ZNF814: variants seen among roughly 807,000 people sequenced by gnomAD.
ZNF814 encodes zinc finger protein 814.
In ZNF814, 5 loss-of-function variants were observed where a neutral mutation model predicts 7.5. That is an observed-to-expected ratio of 0.67 (90% CI 0.35 to 1.40). ZNF814 has a LOEUF of 1.40. Among genes scored for constraint, ZNF814 ranks in the 40% most tolerant of loss-of-function variants. The pLI is 0.04. For missense variants in ZNF814, 962 were observed against 1,018.0 expected (o/e 0.94, Z 0.75); for synonymous variants, 315 against 340.7 (o/e 0.92, Z 0.83).
chr19:57,891,712 G>A (rs757646393), upstream of ZNF814, among the ~76,000 whole-genome samples: 12 of 151,962 alleles, frequency 7.9e-5, no homozygotes, highest in African/African-American at 1.2e-4. Context: ...AAAATTAGCC[G>A]GGCGGCTCTG....
chr19:57,871,052 A>T lies in ZNF814; in HGVS notation c.*1770T>A, dbSNP rs977803057. On this transcript the variant is annotated 3_prime_UTR_variant, in exon 3 of 3. Transcript: ENST00000435989. ...TTATTCTGTCTCCTCCACTGCCTAT[A>T]AATAAAGTAATTCTATAAAATTATA... is the stretch of plus-strand genomic sequence containing the variant. The T allele has an allele frequency of 6.6e-6, 1 of 152,212 alleles. No homozygotes were observed. The highest frequency in any genetic ancestry group is 1.5e-5 in the Non-Finnish European group (1 of 68,038). 9.4% of individuals were successfully genotyped at this position (152,212 alleles called of 1,614,324 possible). A position where few individuals can be genotyped will look rare whatever the true frequency, so the allele number is the denominator to read the frequency against.
In ZNF814 at chr19:57,874,911, C is replaced by T. The variant is rs1206051199; in HGVS notation, c.479G>A (p.Arg160Lys). ...CTCCCCTGACACATGCAACTTACAC[C>T]TCTTTGCAAACAACGCCTCCTCAAC... is the stretch of plus-strand genomic sequence containing the variant. ...GSVEEALFAK[R>K]CKLHVSGESS... The change falls in exon 3 of 3, where the codon AGG becomes AAG. Residue 160 changes from arginine (R) to lysine (K), a missense_variant. Physicochemically the swap from Arg to Lys is conservative, Grantham distance 26. Transcript: ENST00000435989. 1.9e-6 allele frequency: 3 copies of T among 1,613,590 alleles called. No homozygotes were observed. Among genetic ancestry groups the T allele is most frequent in the Non-Finnish European group, 1.7e-6 (2 of 1,179,478 alleles).
chr19:57,882,835 G>GT lies in ZNF814; in HGVS notation c.37-5794dup, dbSNP rs1335341316. On this transcript the variant is annotated intron_variant, in intron 1 of 2. Coordinates refer to ENST00000435989, the MANE Select transcript of ZNF814 (RefSeq NM_001144989.2). The stretch of plus-strand genomic sequence containing the variant: ...TGAAGACCACAATAAACACCTAACT[G>GT]TTTAATGCCCAGACACTGATGAACA... Among the ~76,000 whole-genome samples the GT allele has an allele frequency of 5.3e-5, 8 of 151,286 alleles. 1 individual carries two copies. Among genetic ancestry groups the GT allele is most frequent in the Non-Finnish European group, 1.0e-4 (7 of 68,038 alleles).
chr19:57,874,699 G>C lies in ZNF814; in HGVS notation c.691C>G (p.Gln231Glu). The C allele has an allele frequency of 6.3e-7, 1 of 1,577,520 alleles. No individual in the cohort carries two copies. The highest frequency in any genetic ancestry group is 8.6e-7 in the Non-Finnish European group (1 of 1,160,400). The change falls in exon 3 of 3, where the codon CAG becomes GAG. Residue 231 changes from glutamine (Q) to glutamate (E), a missense_variant. Coordinates refer to ENST00000435989, the MANE Select transcript of ZNF814 (RefSeq NM_001144989.2). The part of the protein sequence containing the change: ...KHFSTKHILS[Q>E]HQRLLTREEC... ...TCTCTAGTGAGCAGTCTCTGGTGCT[G>C]ACTGAGTATATGTTTGGTGCTAAAA...
chr19:57,879,079 C>G (rs2071632580), intron 1 of ZNF814, among the ~76,000 whole-genome samples: 1 of 151,558 alleles, frequency 6.6e-6, no homozygotes, highest in Non-Finnish European at 1.5e-5. Flanking sequence ...TGGCCTTACA[C>G]TACATCGTAG....
chr19:57,884,460 A>G (rs1011660089), intron 1 of ZNF814, among the ~76,000 whole-genome samples: 3 of 152,120 alleles, frequency 2.0e-5, no homozygotes, highest in African/African-American at 7.2e-5. Flanking sequence ...AAAAAAGTTT[A>G]AAAGCTAGCC....
At chr19:57,876,614 G>A in intron 2 of ZNF814, 1 of 459,128 alleles carries the variant, frequency 2.2e-6, no homozygotes, top group Non-Finnish European at 3.8e-6. Flanking sequence ...AAAGGAAGTA[G>A]ACTGTGGGTA....
At chr19:57,875,967 T>TTTTTTTTTTG in intron 2 of ZNF814, among the ~76,000 whole-genome samples, 1 of 126,800 alleles carries the variant, frequency 7.9e-6, no homozygotes, top group Non-Finnish European at 1.6e-5. Context: ...TTTTTTTTTT[T>TTTTTTTTTTG]TTTTTTTTTT....
chr19:57,886,673 G>A (rs2071696456), intron 1 of ZNF814, among the ~76,000 whole-genome samples: 2 of 152,014 alleles, frequency 1.3e-5, no homozygotes, highest in South Asian at 2.1e-4. Context: ...GAGCTTGGGA[G>A]TTCAAAAGCA....
At chr19:57,893,167 TTGA>T (rs2071741637), upstream of ZNF814, among the ~76,000 whole-genome samples, 1 of 150,922 alleles carries the variant, frequency 6.6e-6, no homozygotes, top group Non-Finnish European at 1.5e-5. Context: ...TTTTTTGTTA[TTGA>T]TTTTTTTTTT....
At chr19:57,904,152 TGAATTA>T in the ZNF814 span, among the ~76,000 whole-genome samples, 2 of 152,184 alleles carry the variant, frequency 1.3e-5, no homozygotes, top group African/African-American at 4.8e-5. Flanking sequence ...GATTGTATCT[TGAATTA>T]GAAGAACCTA....
At chr19:57,885,350 G>T (rs1281643932) in intron 1 of ZNF814, among the ~76,000 whole-genome samples, 1 of 148,416 alleles carries the variant, frequency 6.7e-6, no homozygotes, top group Non-Finnish European at 1.5e-5. Context: ...GAAAATGTGA[G>T]GGCGCGGTGG....
At chr19:57,888,553 C>T (rs1017962570) in intron 1 of ZNF814, among the ~76,000 whole-genome samples, 1 of 152,192 alleles carries the variant, frequency 6.6e-6, no homozygotes, top group African/African-American at 2.4e-5. Flanking sequence ...ATCCTTCTGG[C>T]TCAGTTCACT....
chr19:57,901,643 C>T, the ZNF814 span: 1 of 398,668 alleles, frequency 2.5e-6, no homozygotes, highest in East Asian at 3.6e-5. Context: ...AAGGAAAAGA[C>T]CAAGAATACT....
At chr19:57,885,431 C>T (rs185352485) in intron 1 of ZNF814, among the ~76,000 whole-genome samples, 192 of 151,634 alleles carry the variant, frequency 1.3e-3, no homozygotes, top group African/African-American at 4.3e-3. Flanking sequence ...GAGTTCAAAA[C>T]CAGCCTGGCC....
At chr19:57,902,001 C>T in the ZNF814 span, among the ~76,000 whole-genome samples, 2 of 152,114 alleles carry the variant, frequency 1.3e-5, no homozygotes, top group Non-Finnish European at 2.9e-5. Context: ...ATATAAATAT[C>T]CTCCAATATG....
At chr19:57,902,594 T>C in the ZNF814 span, among the ~76,000 whole-genome samples, 1 of 149,738 alleles carries the variant, frequency 6.7e-6, no homozygotes, top group African/African-American at 2.5e-5. Flanking sequence ...CTTTTCTTTC[T>C]AACAGGACCT....
At chr19:57,876,023 C>A (rs927306760) in intron 2 of ZNF814, among the ~76,000 whole-genome samples, 1 of 122,072 alleles carries the variant, frequency 8.2e-6, no homozygotes, top group Non-Finnish European at 1.6e-5. Flanking sequence ...TGCAGTGGTG[C>A]GATCTGGGCT....
At chr19:57,902,034 T>C in the ZNF814 span, among the ~76,000 whole-genome samples, 2 of 152,180 alleles carry the variant, frequency 1.3e-5, no homozygotes, top group African/African-American at 4.8e-5. Context: ...TGCTGGATGC[T>C]TACAAATTGG....
Sources: gnomAD v4.1 joint callset for allele counts (sites outside exome capture counted in the v4.1 genomes callset) on GRCh38, gnomAD v4.1.1 for gene constraint, MANE v1.5 for transcripts, NCBI Gene and HGNC (gene_info 2026-07-23, HGNC 2026-07-21) for gene names.